Variants in THSD7B observed in about 807,000 individuals in gnomAD.
The protein encoded by THSD7B is thrombospondin type 1 domain containing 7B.
A neutral mutation model predicts 213.6 loss-of-function variants in THSD7B; 138 were observed. That is an observed-to-expected ratio of 0.65 (90% CI 0.56 to 0.74). The LOEUF is 0.74. Ranked by LOEUF, THSD7B falls within the 30% of genes least tolerant of loss-of-function variation. THSD7B has a pLI of 0.00. For synonymous variants in THSD7B, 742 were observed against 687.0 expected (o/e 1.08, Z -1.25); for missense variants, 1,931 against 1,991.5 (o/e 0.97, Z 0.58).
chr2:137,623,599 T>C (rs1682563669), intron 20 of THSD7B, among the ~76,000 whole-genome samples: 1 of 152,070 alleles, frequency 6.6e-6, no homozygotes, highest in African/African-American at 2.4e-5. Flanking sequence ...CAGCCCAAAA[T>C]CTCCTTAAGC....
chr2:136,902,039 A>G (rs568342996), intron 2 of THSD7B, among the ~76,000 whole-genome samples: 1 of 152,368 alleles, frequency 6.6e-6, no homozygotes, highest in African/African-American at 2.4e-5. Flanking sequence ...CTGATATTCG[A>G]TACCCTGGGC....
At chr2:137,306,932 C>G (rs532308365) in intron 12 of THSD7B, among the ~76,000 whole-genome samples, 1 of 152,108 alleles carries the variant, frequency 6.6e-6, no homozygotes, top group East Asian at 1.9e-4. Context: ...AGGCAAGAAC[C>G]TGTTAAAAAA....
In THSD7B at chr2:137,231,076, C is replaced by G; in HGVS notation, c.1756C>G (p.Pro586Ala). Residue 586 changes from proline to alanine, a missense_variant, in exon 8 of 28, where the codon CCC (proline) becomes GCC (alanine). Pro to Ala is a conservative substitution (Grantham distance 27, BLOSUM62 -1). Coordinates refer to ENST00000409968, the MANE Select transcript of THSD7B (RefSeq NM_001316349.2). ...TGTATCAGGGAGTCTTTGCCCAGTTCCCCCTCCTCCTGAGAGGAAGTCTTG... is the reference window on the plus strand; with the variant it reads ...TGTATCAGGGAGTCTTTGCCCAGTTGCCCCTCCTCCTGAGAGGAAGTCTTG... The part of the protein sequence containing the change: ...EDVSGSLCPV[P>A]PPPERKSCEI... 6.2e-7 allele frequency: 1 copy of G among 1,613,576 alleles called. No individual in the cohort carries two copies. The highest frequency in any genetic ancestry group is 8.5e-7 in the Non-Finnish European group (1 of 1,179,736).
intron 1 of THSD7B, among the ~76,000 whole-genome samples, chr2:136,819,072 T>C (rs553449439): frequency 6.6e-6 from 1 of 152,298 alleles, no homozygotes; most frequent in South Asian, 2.1e-4. Context: ...TAATACTTTG[T>C]TTTGCTTATT....
intron 1 of THSD7B, among the ~76,000 whole-genome samples, chr2:136,778,395 G>A (rs749015725): frequency 5.3e-5 from 8 of 152,198 alleles, no homozygotes; most frequent in Non-Finnish European, 1.2e-4. Flanking sequence ...AAGCTTTGGT[G>A]TCCCTTCTGC....
intron 20 of THSD7B, among the ~76,000 whole-genome samples, chr2:137,637,896 T>G (rs1682862505): frequency 6.6e-6 from 1 of 152,206 alleles, no homozygotes; most frequent in Admixed American, 6.5e-5. Context: ...CCTGCAATTA[T>G]AATGACATTA....
intron 17 of THSD7B, among the ~76,000 whole-genome samples, chr2:137,605,648 CTTTTTTT>C (rs34604281): frequency 2.9e-5 from 2 of 69,018 alleles, no homozygotes; most frequent in South Asian, 4.0e-4. Context: ...GCACTTCGCA[CTTTTTTT>C]TTTTTTTTTT....
chr2:137,663,335 A>T (rs1303842585), intron 25 of THSD7B, 48 bp from the exon 26 acceptor site: 2 of 1,394,632 alleles, frequency 1.4e-6, no homozygotes, highest in African/African-American at 1.5e-5. Context: ...TTATTCATTC[A>T]CCTGTTCAAC....
At chr2:137,658,023 T>A (rs910152986) in intron 24 of THSD7B, among the ~76,000 whole-genome samples, 1 of 152,210 alleles carries the variant, frequency 6.6e-6, no homozygotes, top group African/African-American at 2.4e-5. Context: ...TTTTTGAGAT[T>A]TTTAAATGCT....
At chr2:136,841,302 G>C (rs930969547) in intron 1 of THSD7B, among the ~76,000 whole-genome samples, 2 of 151,888 alleles carry the variant, frequency 1.3e-5, no homozygotes, top group Non-Finnish European at 1.5e-5. Context: ...ATTTGTTATG[G>C]AAATGAAAAA....
intron 2 of THSD7B, among the ~76,000 whole-genome samples, chr2:136,895,139 G>A (rs1431250528): frequency 6.6e-6 from 1 of 152,120 alleles, no homozygotes; most frequent in African/African-American, 2.4e-5. Context: ...ATTTGGTAAT[G>A]AGTTCAAAAA....
Position 136,858,596 on chromosome 2 carries a change from A to G in THSD7B, c.-35-23548A>G, listed in dbSNP as rs75076805. On this transcript the variant is annotated intron_variant, in intron 1 of 27. Transcript: ENST00000409968. ...TCTGCCAATACCATATTTTATTTAT[A>G]TGATCTAAAATAGTGATGCCACTGT... Among the ~76,000 whole-genome samples the G allele has an allele frequency of 3.9e-3, 600 of 152,334 alleles. 21 individuals are homozygous for G. The East Asian group carries it at 0.087, about 22-fold the overall frequency.
At chr2:137,531,432 T>A (rs1680395291) in intron 15 of THSD7B, among the ~76,000 whole-genome samples, 2 of 151,884 alleles carry the variant, frequency 1.3e-5, no homozygotes, top group Admixed American at 1.3e-4. Context: ...GTGAGAACTG[T>A]TAGTTTGAAA....
chr2:137,150,088 C>T (rs1380750253), intron 5 of THSD7B, among the ~76,000 whole-genome samples: 2 of 151,762 alleles, frequency 1.3e-5, no homozygotes, highest in Admixed American at 1.3e-4. Flanking sequence ...ACTAAAAATA[C>T]AAAACTAGCC....
chr2:137,138,709 C>A (rs1276415249), intron 5 of THSD7B, among the ~76,000 whole-genome samples: 1 of 152,150 alleles, frequency 6.6e-6, no homozygotes, highest in South Asian at 2.1e-4. Flanking sequence ...TGTTTAGATT[C>A]ATTGTCATCC....
chr2:136,877,485 C>T (rs1436747013), intron 1 of THSD7B, among the ~76,000 whole-genome samples: 1 of 152,162 alleles, frequency 6.6e-6, no homozygotes, highest in Non-Finnish European at 1.5e-5. Flanking sequence ...TCAGCTGGAG[C>T]ACTCCACTTT....
chr2:136,945,378 C>A (rs886966677), intron 2 of THSD7B, among the ~76,000 whole-genome samples: 1 of 152,124 alleles, frequency 6.6e-6, no homozygotes, highest in Admixed American at 6.5e-5. Context: ...GGTAACCCCA[C>A]CTTTCTCTCT....
chr2:136,811,262 A>G (rs1682369953), intron 1 of THSD7B, among the ~76,000 whole-genome samples: 1 of 151,922 alleles, frequency 6.6e-6, no homozygotes, highest in Non-Finnish European at 1.5e-5. Flanking sequence ...ATTTTATTTT[A>G]TTTTTACAAA....
chr2:136,932,898 C>A (rs1187867940), intron 2 of THSD7B, among the ~76,000 whole-genome samples: 1 of 152,028 alleles, frequency 6.6e-6, no homozygotes, highest in African/African-American at 2.4e-5. Flanking sequence ...CCCTTTCAGG[C>A]CACCAGGAGG....
Sources: gnomAD v4.1 joint callset for allele counts (sites outside exome capture counted in the v4.1 genomes callset) on GRCh38, gnomAD v4.1.1 for gene constraint, MANE v1.5 for transcripts, NCBI Gene and HGNC (gene_info 2026-07-23, HGNC 2026-07-21) for gene names.